Variants in NFIC observed in about 807,000 individuals in gnomAD.
The protein encoded by NFIC is nuclear factor 1 C-type.
NFIC carries 12 observed loss-of-function variants against 54.4 expected under a neutral mutation model. The observed-to-expected ratio is 0.22, with a 90% CI of 0.14 to 0.36. The LOEUF (loss-of-function observed/expected upper bound fraction) is 0.36, where lower values mean the gene tolerates loss of function less well. Among genes scored for constraint, NFIC ranks in the 10% least tolerant of loss-of-function variants. The probability of loss-of-function intolerance (pLI) is 1.00; values close to 1 mark genes in which losing one functional copy is unlikely to be tolerated. For synonymous variants in NFIC, 322 were observed against 319.2 expected, an observed-to-expected ratio of 1.01 and a Z score of -0.09; for missense variants, 575 against 718.2, an observed-to-expected ratio of 0.80 and a Z score of 2.28.
At chr19:3,424,239 G>T (rs2081993881) in intron 2 of NFIC, among the ~76,000 whole-genome samples, 1 of 152,012 alleles carries the variant, frequency 6.6e-6, no homozygotes, top group South Asian at 2.1e-4. Flanking sequence ...TGTTAGCCAG[G>T]CTGGTCTTCA....
intron 3 of NFIC, among the ~76,000 whole-genome samples, chr19:3,432,886 T>TGGTCTCCATCTCCTGACC (rs2082143288): frequency 6.6e-6 from 1 of 151,984 alleles, no homozygotes; most frequent in Non-Finnish European, 1.5e-5. Flanking sequence ...TTAGCCAGGA[T>TGGTCTCCATCTCCTGACC]GGTCTCCATC....
intron 2 of NFIC, among the ~76,000 whole-genome samples, chr19:3,412,875 G>A (rs1046965395): frequency 5.9e-5 from 9 of 152,176 alleles, no homozygotes; most frequent in South Asian, 2.1e-4. Flanking sequence ...GGGAGGGGCC[G>A]GGGTTCTGCT....
rs12986104 is a variant in NFIC, at chr19:3,452,123, A to G, written c.1085-359A>G. ...TCTCAAAAAAAAAAAAAAAAAAAAAAGACCAGGCTCAGTGGGTTACACCTG... is the reference window on the plus strand; with the variant it reads ...TCTCAAAAAAAAAAAAAAAAAAAAAGGACCAGGCTCAGTGGGTTACACCTG... On this transcript the variant is annotated intron_variant, in intron 7 of 10. Coordinates refer to ENST00000443272, the MANE Select transcript of NFIC (RefSeq NM_001245002.2). The surrounding 1 kb of genome is among the most constrained non-coding windows in gnomAD (Gnocchi z 5.3). 6.7e-6 allele frequency among the ~76,000 whole-genome samples: 1 copy of G among 148,626 alleles called. No homozygotes were observed. The highest frequency in any genetic ancestry group is 1.5e-5 in the Non-Finnish European group (1 of 67,522).
At position 3,427,994 on chromosome 19, in the gene NFIC, A is replaced by G. The variant is rs541045770; in HGVS notation, c.634+2817A>G. 2.0e-5 allele frequency among the ~76,000 whole-genome samples: 3 copies of G among 150,982 alleles called. No homozygotes were observed. In the East Asian group the frequency reaches 5.8e-4, roughly 29 times the overall value. On this transcript the variant is annotated intron_variant, in intron 3 of 10. Coordinates refer to ENST00000443272, the MANE Select transcript of NFIC (RefSeq NM_001245002.2). ...AGACTAGCCTGATCAACATGGAGAA[A>G]CCCTGTCTCTACTGAATATACAAAA...
intron 3 of NFIC, among the ~76,000 whole-genome samples, 165 bp from the exon 4 acceptor site, chr19:3,433,353 G>A (rs924384155): frequency 6.6e-6 from 1 of 152,222 alleles, no homozygotes; most frequent in East Asian, 1.9e-4. Context: ...GACCCCCCAC[G>A]GGGCCTTCCC....
Position 3,381,923 on chromosome 19 carries a change from G to T in NFIC, c.242G>T (p.Arg81Leu), listed in dbSNP as rs1357771413. The stretch of plus-strand genomic sequence containing the variant: ...GCGTCGCGGCTGCTGGCCAAGCTGC[G>T]CAAGGACATCCGGCCCGAGTGCCGC... ...KWASRLLAKLRKDIRPECRED... is the reference protein window; with the variant it reads ...KWASRLLAKLLKDIRPECRED... The change falls in exon 2 of 11, where the codon CGC (arginine) becomes CTC (leucine). Residue 81 changes from arginine (R) to leucine (L), a missense_variant. Around this residue, in one of 3 missense-constraint regions of NFIC, gnomAD observed 122 missense variants for 158.0 expected, o/e 0.77. Coordinates refer to ENST00000443272, the MANE Select transcript of NFIC (RefSeq NM_001245002.2). 6.2e-7 allele frequency: 1 copy of T among 1,613,638 alleles called. No homozygotes were observed. The highest frequency in any genetic ancestry group is 8.5e-7 in the Non-Finnish European group (1 of 1,179,930).
intron 3 of NFIC, among the ~76,000 whole-genome samples, chr19:3,429,173 A>ACACACT: frequency 1.0e-5 from 1 of 97,842 alleles, no homozygotes; most frequent in Non-Finnish European, 2.1e-5. Flanking sequence ...ACACACACAC[A>ACACACT]CTAGCCCCAG....
rs746489837 is a variant in NFIC at position 3,452,717 on chromosome 19, T to C, written c.1269+51T>C. 1 of 1,534,550 alleles carries C rather than the reference T, an allele frequency of 6.5e-7. No homozygotes were observed. The highest frequency in any genetic ancestry group is 2.3e-5 in the East Asian group (1 of 43,886). ...CCTCTCCTGGCGGCTCCAGGTGACC[T>C]CCCGGGGGCCACGTGCTCACACGAA... On this transcript the variant is annotated intron_variant, in intron 8 of 10. Coordinates refer to ENST00000443272, the MANE Select transcript of NFIC (RefSeq NM_001245002.2). This position sits in a 1 kb window ranked among gnomAD's most constrained non-coding sequence, Gnocchi z 5.3.
chr19:3,381,320 G>A (rs766852888), intron 1 of NFIC, among the ~76,000 whole-genome samples: 2 of 151,414 alleles, frequency 1.3e-5, no homozygotes, highest in African/African-American at 2.4e-5. Flanking sequence ...GCTTGAACCC[G>A]GGAGGTGGAG....
intron 1 of NFIC, among the ~76,000 whole-genome samples, chr19:3,379,446 C>G (rs2081161956): frequency 6.6e-6 from 1 of 151,512 alleles, no homozygotes; most frequent in Non-Finnish European, 1.5e-5. Context: ...CCTCTGCCTC[C>G]TGGGTTCTCC....
chr19:3,362,025 CG>C (rs1014532404), upstream of NFIC, among the ~76,000 whole-genome samples: 1 of 152,174 alleles, frequency 6.6e-6, no homozygotes, highest in Non-Finnish European at 1.5e-5. Context: ...ACCGCACTTG[CG>C]GGGGGATAGA....
chr19:3,383,432 G>A (rs2081244786), intron 2 of NFIC, among the ~76,000 whole-genome samples: 1 of 152,192 alleles, frequency 6.6e-6, no homozygotes, highest in Non-Finnish European at 1.5e-5. Context: ...CCTGATGCCT[G>A]TGCCTCTGGT....
chr19:3,398,083 G>A (rs191828133), intron 2 of NFIC, among the ~76,000 whole-genome samples: 22 of 152,232 alleles, frequency 1.4e-4, no homozygotes, highest in African/African-American at 3.9e-4. Flanking sequence ...ACACTCTTCC[G>A]GCGCCCACTG....
chr19:3,397,517 G>A (rs145119640), intron 2 of NFIC, among the ~76,000 whole-genome samples: 5 of 152,274 alleles, frequency 3.3e-5, no homozygotes, highest in South Asian at 2.1e-4. Flanking sequence ...ATCTGAGGTC[G>A]GGTGTCTCTG....
intron 6 of NFIC, among the ~76,000 whole-genome samples, chr19:3,439,333 C>CAAAAAAAAA (rs539916342): frequency 2.6e-4 from 6 of 23,326 alleles, no homozygotes; most frequent in East Asian, 1.1e-3. Context: ...GACCCTGTCT[C>CAAAAAAAAA]AAAAAAAAAA....
intron 6 of NFIC, among the ~76,000 whole-genome samples, chr19:3,448,252 T>C (rs925148887): frequency 6.6e-6 from 1 of 152,200 alleles, no homozygotes; most frequent in African/African-American, 2.4e-5. Flanking sequence ...TTTGTATTTT[T>C]AGTGGAGACA....
intron 1 of NFIC, among the ~76,000 whole-genome samples, chr19:3,360,839 G>A (rs2080801635): frequency 6.6e-6 from 1 of 152,170 alleles, no homozygotes; most frequent in Admixed American, 6.5e-5. Context: ...GGTGTGTGGC[G>A]GTTGGGGGGG....
rs1326073384 is a variant in NFIC at position 3,464,735 on chromosome 19, A to C, written c.*1966A>C. 4 of 984,780 alleles carry C rather than the reference A, an allele frequency of 4.1e-6. No individual in the cohort carries two copies. Among genetic ancestry groups the C allele is most frequent in the Non-Finnish European group, 3.6e-6 (3 of 829,716 alleles). The allele number at this position is 984,780 out of a possible 1,614,324, so 61.0% of individuals were successfully genotyped here. On this transcript the variant is annotated 3_prime_UTR_variant, in exon 11 of 11. Coordinates refer to ENST00000443272, the MANE Select transcript of NFIC (RefSeq NM_001245002.2). The stretch of plus-strand genomic sequence containing the variant: ...CGCTCGCTCCTAAAGAGAAAGACCC[A>C]GGACCCTCCCCCATCACCCCCAAGA...
At chr19:3,398,782 GC>G (rs1054946638) in intron 2 of NFIC, among the ~76,000 whole-genome samples, 3 of 152,168 alleles carry the variant, frequency 2.0e-5, no homozygotes, top group Admixed American at 6.5e-5. Flanking sequence ...AGGGCAGCCG[GC>G]CCGCTTACAT....
Sources: allele counts gnomAD v4.1 joint callset (sites outside exome capture counted in the v4.1 genomes callset), GRCh38; gene constraint gnomAD v4.1.1; regional missense constraint gnomAD v4.1.1; non-coding constraint Gnocchi (gnomAD v3.1); transcripts MANE v1.5; gene names NCBI Gene and HGNC (gene_info 2026-07-23, HGNC 2026-07-21).